SHPK: variants seen among roughly 807,000 people sequenced by gnomAD.
SHPK encodes carbohydrate kinase-like protein.
In SHPK, 51 loss-of-function variants were observed where a neutral mutation model predicts 46.3. The ratio of observed to expected loss-of-function variants is 1.10; its 90% CI spans 0.88 to 1.39. The LOEUF (loss-of-function observed/expected upper bound fraction) is 1.39. Ranked by LOEUF, SHPK falls within the 40% of genes most tolerant of loss-of-function variation. SHPK has a pLI of 0.00. For synonymous variants in SHPK, 290 were observed against 273.9 expected (o/e 1.06, Z -0.58); for missense variants, 668 against 641.3 (o/e 1.04, Z -0.45).
At chr17:3,613,437 C>T (rs2075352862) in intron 6 of SHPK, among the ~76,000 whole-genome samples, 1 of 152,186 alleles carries the variant, frequency 6.6e-6, no homozygotes, top group Non-Finnish European at 1.5e-5. Context: ...GGTATTATTT[C>T]AGCTCACTGC....
intron 1 of SHPK, among the ~76,000 whole-genome samples, chr17:3,635,673 A>G (rs2075516145): frequency 6.6e-6 from 1 of 152,232 alleles, no homozygotes; most frequent in East Asian, 1.9e-4. Context: ...TTGAGGTCAC[A>G]GGGCAGGTGT....
chr17:3,630,276 T>C lies in SHPK; in HGVS notation c.239A>G (p.Gln80Arg), dbSNP rs765210154. The C allele has an allele frequency of 1.2e-6, 2 of 1,613,704 alleles. No homozygotes were observed. Among genetic ancestry groups the C allele is most frequent in the Non-Finnish European group, 1.7e-6 (2 of 1,180,006 alleles). Reference protein sequence around the residue: ...HECLAALPRPQLRSVVGIGVS... With the variant: ...HECLAALPRPRLRSVVGIGVS... ...CCCGATGCCCACGACGCTCCGGAGC[T>C]GGGGTCGGGGAAGGGCAGCAAGGCA... The change falls in exon 2 of 7, where the codon CAG becomes CGG. Residue 80 changes from glutamine (Q) to arginine (R), a missense_variant. Transcript: ENST00000225519.
At position 3,623,417 on chromosome 17, in the gene SHPK, G is replaced by A; in HGVS notation, c.569C>T (p.Pro190Leu). The A allele has an allele frequency of 6.2e-7, 1 of 1,614,182 alleles. No individual in the cohort carries two copies. Among genetic ancestry groups the A allele is most frequent in the Admixed American group, 1.7e-5 (1 of 60,036 alleles). The stretch of plus-strand genomic sequence containing the variant: ...ATTCTGGTCGGACATCAGAGGTCTT[G>A]GCAAGCCACACAGCATGGCAACCAC... ...DYVVAMLCGL[P>L]RPLMSDQNAA... Residue 190 changes from proline (P) to leucine (L), a missense_variant, in exon 4 of 7, where the codon CCA becomes CTA. Transcript: ENST00000225519.
At chr17:3,622,153 A>G (rs899732602) in intron 4 of SHPK, among the ~76,000 whole-genome samples, 1 of 152,144 alleles carries the variant, frequency 6.6e-6, no homozygotes, top group African/African-American at 2.4e-5. Context: ...GTTTCCAGGA[A>G]ACTCTGCATG....
At chr17:3,611,006 T>A (rs982693652) in intron 6 of SHPK, 34 bp from the exon 7 acceptor site, 2 of 1,563,836 alleles carry the variant, frequency 1.3e-6, no homozygotes, top group East Asian at 4.5e-5. Flanking sequence ...TGTAAGCTCA[T>A]GCGTCCCCCT....
chr17:3,612,308 C>A (rs1422308467), intron 6 of SHPK, among the ~76,000 whole-genome samples: 1 of 151,778 alleles, frequency 6.6e-6, no homozygotes, highest in African/African-American at 2.4e-5. Context: ...TGCCTGTAGT[C>A]CCAGCTACTT....
chr17:3,630,311 G>T lies in SHPK; in HGVS notation c.204C>A (p.Ala68=). Residue 68 remains alanine, a synonymous_variant, in exon 2 of 7, where the codon GCC becomes GCA. Coordinates refer to ENST00000225519, the MANE Select transcript of SHPK (RefSeq NM_013276.4). ...GAAGGGCAGCAAGGCACTCGTGTAG[G>T]GCTTGGAGGATTCTACTCACATCCT... ...REQDVSRILQ[A]LHECLAALPR... 1 of 1,613,348 alleles carries T rather than the reference G, an allele frequency of 6.2e-7. No individual in the cohort carries two copies. The highest frequency in any genetic ancestry group is 8.5e-7 in the Non-Finnish European group (1 of 1,179,912).
At chr17:3,618,980 C>G (rs2075383985) in intron 5 of SHPK, among the ~76,000 whole-genome samples, 1 of 151,758 alleles carries the variant, frequency 6.6e-6, no homozygotes, top group Non-Finnish European at 1.5e-5. Flanking sequence ...TGAGGAACTA[C>G]CAGCTGTTTT....
intron 3 of SHPK, 113 bp downstream of exon 3, chr17:3,623,935 A>G: frequency 9.4e-7 from 1 of 1,065,804 alleles, no homozygotes; most frequent in Non-Finnish European, 1.4e-6. Flanking sequence ...CTGTCCTGCC[A>G]GGACACACTC....
At chr17:3,622,089 T>C (rs2075406885) in intron 4 of SHPK, among the ~76,000 whole-genome samples, 1 of 152,184 alleles carries the variant, frequency 6.6e-6, no homozygotes, top group African/African-American at 2.4e-5. Flanking sequence ...CAGCTGGGAT[T>C]ACAGGCCTGC....
chr17:3,615,571 C>T (rs375992661), intron 5 of SHPK, 34 bp from the exon 6 acceptor site: 56 of 1,594,954 alleles, frequency 3.5e-5, no homozygotes, highest in South Asian at 2.2e-4. Flanking sequence ...TTAGGCCTGT[C>T]GGGCTAACTC....
rs1275561437 is a variant in SHPK at position 3,625,571 on chromosome 17, G to A, written c.311-1340C>T. Among the ~76,000 whole-genome samples, 12 of 152,182 alleles carry A rather than the reference G, an allele frequency of 7.9e-5. No homozygotes were observed. In the South Asian group the frequency reaches 1.0e-3, roughly 13 times the overall value. On this transcript the variant is annotated intron_variant, in intron 2 of 6. Transcript: ENST00000225519. Reference sequence around the variant, plus strand: ...GTACCAGGCATTGAGTAAAGCCACCGTGACCCCCTGGACCAGTCTGTCCAC... The same window carrying A: ...GTACCAGGCATTGAGTAAAGCCACCATGACCCCCTGGACCAGTCTGTCCAC...
intron 5 of SHPK, chr17:3,619,386 A>G (rs946564843): frequency 3.2e-6 from 5 of 1,548,280 alleles, no homozygotes; most frequent in Middle Eastern, 1.7e-4. Flanking sequence ...GTGATGATTC[A>G]TCTTCTCTGC....
chr17:3,631,512 C>CCTTTTTTTTTTTTTT (rs2075471665), intron 1 of SHPK, among the ~76,000 whole-genome samples: 1 of 53,036 alleles, frequency 1.9e-5, no homozygotes, highest in Admixed American at 3.3e-4. Flanking sequence ...TAATTTAATG[C>CCTTTTTTTTTTTTTT]TTTTTTTTTT....
intron 2 of SHPK, among the ~76,000 whole-genome samples, chr17:3,627,031 T>G (rs1272329550): frequency 1.3e-5 from 2 of 152,238 alleles, no homozygotes; most frequent in Admixed American, 6.5e-5. Context: ...ACAGCTCTAA[T>G]GACTAACAAT....
At position 3,608,598 on chromosome 17, in the gene SHPK, G is replaced by A. The variant is rs535862332; in HGVS notation, c.*1962C>T. ...GAACAATGCACAAGGGAAAACTTGG[G>A]AACTGTTTGAAGAATTTTCCATTTA... On this transcript the variant is annotated 3_prime_UTR_variant, in exon 7 of 7. Transcript: ENST00000225519. The A allele has an allele frequency of 6.6e-6, 1 of 152,190 alleles. No homozygotes were observed. Among genetic ancestry groups the A allele is most frequent in the Non-Finnish European group, 1.5e-5 (1 of 68,054 alleles). The allele number at this position is 152,190 out of a possible 1,614,324, so 9.4% of individuals were successfully genotyped here.
intron 5 of SHPK, 117 bp from the exon 6 acceptor site, chr17:3,615,654 G>C (rs2075367849): frequency 2.8e-6 from 2 of 722,428 alleles, no homozygotes; most frequent in Non-Finnish European, 4.6e-6. Flanking sequence ...ACAAGTCACA[G>C]TTTGGCAGTG....
chr17:3,630,387 A>G (rs2075463592), intron 1 of SHPK, 41 bp from the exon 2 acceptor site: 4 of 1,564,618 alleles, frequency 2.6e-6, no homozygotes, highest in Non-Finnish European at 3.5e-6. Flanking sequence ...GCAGACACAC[A>G]GGCAGGGGGA....
intron 5 of SHPK, chr17:3,619,774 G>T: frequency 2.3e-6 from 1 of 429,370 alleles, no homozygotes; most frequent in South Asian, 1.8e-5. Flanking sequence ...ATTTGTAGAT[G>T]GCATCTCTCT....
Sources: gnomAD v4.1 joint callset for allele counts (sites outside exome capture counted in the v4.1 genomes callset) on GRCh38, gnomAD v4.1.1 for gene constraint, MANE v1.5 for transcripts, NCBI Gene and HGNC (gene_info 2026-07-23, HGNC 2026-07-21) for gene names.